The following GABRG1 variants were observed in gnomAD, a reference collection of about 807,000 sequenced individuals.
GABRG1 encodes the protein gamma-aminobutyric acid receptor subunit gamma-1.
Under a neutral mutation model 49.8 loss-of-function variants are expected in GABRG1, and 49 were observed. The observed-to-expected ratio is 0.98, with a 90% confidence interval of 0.78 to 1.25. GABRG1 has a LOEUF of 1.25. Ranked by LOEUF, GABRG1 falls within the 50% of genes most tolerant of loss-of-function variation. The probability of loss-of-function intolerance (pLI) is 0.00; values close to 1 mark genes in which losing one functional copy is unlikely to be tolerated. For missense variants in GABRG1, 552 were observed against 552.3 expected (o/e 1.00, Z 0.01); for synonymous variants, 232 against 185.1 (o/e 1.25, Z -2.06).
chr4:46,122,064 G>T (rs1721102570), intron 1 of GABRG1, among the ~76,000 whole-genome samples: 1 of 151,988 alleles, frequency 6.6e-6, no homozygotes. Flanking sequence ...TTTCATAGAT[G>T]AACCTGTGTT....
intron 1 of GABRG1, among the ~76,000 whole-genome samples, chr4:46,114,031 A>T (rs1180835533): frequency 1.3e-5 from 2 of 151,076 alleles, no homozygotes; most frequent in Non-Finnish European, 3.0e-5. Flanking sequence ...CTGATTTTAG[A>T]CCTAAAATCA....
chr4:46,046,366 T>C (rs927603920), intron 8 of GABRG1, among the ~76,000 whole-genome samples: 1 of 152,098 alleles, frequency 6.6e-6, no homozygotes, highest in Non-Finnish European at 1.5e-5. Context: ...ATGGCCATTG[T>C]CACAACTGGT....
At chr4:46,068,976 AC>A (rs954160914) in intron 3 of GABRG1, among the ~76,000 whole-genome samples, 23 of 152,242 alleles carry the variant, frequency 1.5e-4, no homozygotes, top group Middle Eastern at 3.4e-3. Flanking sequence ...AAGTTAGCTG[AC>A]AAAACAGCAT....
Position 46,037,181 on chromosome 4 carries a change from T to C in GABRG1, c.*3807A>G, listed in dbSNP as rs1717564031. The C allele has an allele frequency of 6.6e-6, 1 of 151,896 alleles. No homozygotes were observed. The highest frequency in any genetic ancestry group is 2.4e-5 in the African/African-American group (1 of 41,416). The allele number at this position is 151,896 out of a possible 1,614,324, so 9.4% of individuals were successfully genotyped here. Reference sequence around the variant, plus strand: ...TTGAAAGTCATCTTTATATTCCCTTTTGTATTTAGAACAGTACTTTGTACA... The same window carrying C: ...TTGAAAGTCATCTTTATATTCCCTTCTGTATTTAGAACAGTACTTTGTACA... On this transcript the variant is annotated 3_prime_UTR_variant, in exon 9 of 9. Transcript: ENST00000295452.
At chr4:46,101,841 A>G (rs1720391023) in intron 1 of GABRG1, among the ~76,000 whole-genome samples, 1 of 151,762 alleles carries the variant, frequency 6.6e-6, no homozygotes, top group Non-Finnish European at 1.5e-5. Context: ...TTAATATTAC[A>G]TGAAAAATAA....
chr4:46,058,543 T>C lies in GABRG1; in HGVS notation c.705A>G (p.Leu235=), dbSNP rs773368605. 7 of 1,613,264 alleles carry C rather than the reference T, an allele frequency of 4.3e-6. No homozygotes were observed. Among genetic ancestry groups the C allele is most frequent in the South Asian group, 1.1e-5 (1 of 91,048 alleles). ...VEVADPKYWR[L]YQFAFVGLRN... is the part of the protein sequence containing the mutation. ...GTAACCCTACAAATGCAAACTGATATAATCTCCAGTATTTAGGATCAGCCA... is the reference window on the plus strand; with the variant it reads ...GTAACCCTACAAATGCAAACTGATACAATCTCCAGTATTTAGGATCAGCCA... Residue 235 remains leucine, a synonymous_variant, in exon 6 of 9, where the codon TTA becomes TTG. Coordinates refer to ENST00000295452, the MANE Select transcript of GABRG1 (RefSeq NM_173536.4).
At chr4:46,090,305 G>T (rs1719932308) in intron 2 of GABRG1, among the ~76,000 whole-genome samples, 1 of 151,960 alleles carries the variant, frequency 6.6e-6, no homozygotes, top group African/African-American at 2.4e-5. Context: ...TATAAAATTT[G>T]AGCATTCATA....
chr4:46,107,216 C>T (rs1312773856), intron 1 of GABRG1, among the ~76,000 whole-genome samples: 3 of 151,192 alleles, frequency 2.0e-5, no homozygotes, highest in African/African-American at 7.3e-5. Flanking sequence ...TCTTTTCTCT[C>T]CTCTTGAATA....
At chr4:46,068,188 G>A (rs1287462414) in intron 3 of GABRG1, among the ~76,000 whole-genome samples, 2 of 152,080 alleles carry the variant, frequency 1.3e-5, no homozygotes, top group African/African-American at 4.8e-5. Flanking sequence ...AGAGCATTTA[G>A]TCAACTTTAT....
intron 8 of GABRG1, 103 bp downstream of exon 8, chr4:46,051,321 G>C (rs1304897599): frequency 6.1e-6 from 5 of 815,820 alleles, no homozygotes; most frequent in Non-Finnish European, 9.4e-6. Flanking sequence ...TTGGTTATGG[G>C]TCTCAAGCGT....
At chr4:46,050,411 GA>G (rs943704113) in intron 8 of GABRG1, among the ~76,000 whole-genome samples, 2 of 151,642 alleles carry the variant, frequency 1.3e-5, no homozygotes, top group African/African-American at 2.4e-5. Context: ...AAAGATTAGG[GA>G]AAAATGCATT....
intron 3 of GABRG1, among the ~76,000 whole-genome samples, chr4:46,067,249 TTGAGAAGCTACC>T (rs1432863319): frequency 1.3e-5 from 2 of 152,058 alleles, no homozygotes; most frequent in African/African-American, 2.4e-5. Flanking sequence ...TAAAAATAAA[TTGAGAAGCTACC>T]TCATTTTATC....
At position 46,084,009 on chromosome 4, in the gene GABRG1, C is replaced by A; in HGVS notation, c.298G>T (p.Gly100Ter). 6.3e-7 allele frequency: 1 copy of A among 1,578,692 alleles called. No homozygotes were observed. The highest frequency in any genetic ancestry group is 2.3e-5 in the East Asian group (1 of 43,770). Residue 100 changes from glycine to a stop codon, truncating the protein, a stop_gained, in exon 3 of 9, where the codon GGA becomes TGA. Transcript: ENST00000295452. LOFTEE classifies it high-confidence loss of function. ...ACCATATTAATTGGATCAACTGGTCCAATGCTGTTTACATAAACATCAGTT... is the reference window on the plus strand; with the variant it reads ...ACCATATTAATTGGATCAACTGGTCAAATGCTGTTTACATAAACATCAGTT... Reference protein sequence around the residue: ...IETDVYVNSIGPVDPINMEYT... With the variant: ...IETDVYVNSI
At chr4:46,098,903 C>T (rs1382463175) in intron 1 of GABRG1, among the ~76,000 whole-genome samples, 1 of 151,504 alleles carries the variant, frequency 6.6e-6, no homozygotes, top group African/African-American at 2.4e-5. Context: ...CTCTATTTTG[C>T]TTTTCGTGAA....
chr4:46,057,033 T>A (rs1352484517), intron 7 of GABRG1, among the ~76,000 whole-genome samples: 3 of 152,134 alleles, frequency 2.0e-5, no homozygotes, highest in Non-Finnish European at 1.5e-5. Context: ...TGCATAGTGG[T>A]TATACTAATT....
At chr4:46,092,794 G>T (rs1354284350) in intron 2 of GABRG1, among the ~76,000 whole-genome samples, 1 of 151,956 alleles carries the variant, frequency 6.6e-6, no homozygotes, top group African/African-American at 2.4e-5. Context: ...AGGAGCGGTG[G>T]CTCACACCTG....
rs34956057 is a variant in GABRG1 at position 46,119,095 on chromosome 4, T to TTGTG, written c.104+4711_104+4714dup. Among the ~76,000 whole-genome samples the TTGTG allele has an allele frequency of 6.3e-3, 940 of 148,582 alleles. 12 individuals carry two copies. The highest frequency in any genetic ancestry group is 0.044 in the East Asian group (225 of 5,094). ...AAAAAATTTTGCTTTTAAGTTACAG[T>TTGTG]TGTGTGTGTGTGTGTGTGTGTTTGT... On this transcript the variant is annotated intron_variant, in intron 1 of 8. Transcript: ENST00000295452.
intron 2 of GABRG1, among the ~76,000 whole-genome samples, chr4:46,089,515 C>A (rs1490307913): frequency 6.6e-6 from 1 of 152,060 alleles, no homozygotes; most frequent in Non-Finnish European, 1.5e-5. Flanking sequence ...CATCCTCTTA[C>A]CCCCACAGTG....
intron 1 of GABRG1, among the ~76,000 whole-genome samples, chr4:46,123,240 C>T (rs569477153): frequency 2.6e-5 from 4 of 151,668 alleles, no homozygotes; most frequent in East Asian, 1.9e-4. Flanking sequence ...TAAATATACA[C>T]GGTCAGTTTT....
Sources: allele counts gnomAD v4.1 joint callset (sites outside exome capture counted in the v4.1 genomes callset), GRCh38; gene constraint gnomAD v4.1.1; transcripts MANE v1.5; gene names NCBI Gene and HGNC (gene_info 2026-07-23, HGNC 2026-07-21).